Variants in RSRC1 observed in about 807,000 individuals in gnomAD.
RSRC1 encodes serine/Arginine-related protein 53.
In RSRC1, 39 loss-of-function variants were observed where a neutral mutation model predicts 49.1. That is an observed-to-expected ratio of 0.79 (90% CI 0.61 to 1.04). The LOEUF (loss-of-function observed/expected upper bound fraction) is 1.04. RSRC1 is among the 50% of genes least tolerant of loss of function. The pLI is 0.00. For synonymous variants in RSRC1, 143 were observed against 130.8 expected, an observed-to-expected ratio of 1.09 and a Z score of -0.63; for missense variants, 388 against 402.4, an observed-to-expected ratio of 0.96 and a Z score of 0.31.
At position 158,305,708 on chromosome 3, in the gene RSRC1, C is replaced by G. The variant is rs141858098; in HGVS notation, c.531+7633C>G. ...CCTTTGCCACAGTGCTATCTTTAAT[C>G]ACGCTTATTACCATTTGCCACTGAA... is the stretch of plus-strand genomic sequence containing the variant. On this transcript the variant is annotated intron_variant, in intron 5 of 9. Transcript: ENST00000611884. Among the ~76,000 whole-genome samples the G allele has an allele frequency of 1.8e-4, 27 of 152,148 alleles. No individual in the cohort carries two copies. The East Asian group carries it at 2.9e-3, about 16-fold the overall frequency.
chr3:158,418,135 A>G (rs1454061307), intron 6 of RSRC1, among the ~76,000 whole-genome samples: 3 of 152,022 alleles, frequency 2.0e-5, no homozygotes, highest in African/African-American at 7.2e-5. Flanking sequence ...CATCATGATC[A>G]TTATCATCAC....
intron 7 of RSRC1, among the ~76,000 whole-genome samples, chr3:158,470,361 CATAT>C (rs59508977): frequency 0.014 from 1,367 of 100,266 alleles, 20 homozygotes; most frequent in South Asian, 0.044. Flanking sequence ...CACACACACA[CATAT>C]ATATATATAT....
At position 158,120,539 on chromosome 3, in the gene RSRC1, T is replaced by G. The variant is rs181461468; in HGVS notation, c.-2-1564T>G. On this transcript the variant is annotated intron_variant, in intron 1 of 9. Coordinates refer to ENST00000611884, the MANE Select transcript of RSRC1 (RefSeq NM_001271838.2). ...ATGTATTAATTATTAAATATATAAA[T>G]AATATAGAATTAATATATTAATATT... 1.7e-3 allele frequency among the ~76,000 whole-genome samples: 243 copies of G among 147,204 alleles called. 3 individuals are homozygous for G. The highest frequency in any genetic ancestry group is 5.8e-3 in the African/African-American group (237 of 40,560).
chr3:158,493,174 G>GT (rs1337524567), intron 7 of RSRC1, among the ~76,000 whole-genome samples: 1 of 152,168 alleles, frequency 6.6e-6, no homozygotes, highest in African/African-American at 2.4e-5. Flanking sequence ...AACAAATGCT[G>GT]TAAGAAGCCC....
intron 7 of RSRC1, among the ~76,000 whole-genome samples, chr3:158,530,913 T>TAAAAAAAAAAAAAAAATAAAA (rs200580489): frequency 2.1e-5 from 2 of 95,626 alleles, no homozygotes; most frequent in African/African-American, 4.2e-5. Context: ...AAATAATAAA[T>TAAAAAAAAAAAAAAAATAAAA]AAAAAAAAAA....
At chr3:158,249,406 A>G (rs947499701) in intron 4 of RSRC1, among the ~76,000 whole-genome samples, 3 of 152,334 alleles carry the variant, frequency 2.0e-5, no homozygotes, top group Admixed American at 1.3e-4. Flanking sequence ...TTCACTCTGC[A>G]TAAGTGTTCT....
At chr3:158,290,459 T>G (rs1329785200) in intron 4 of RSRC1, among the ~76,000 whole-genome samples, 1 of 152,042 alleles carries the variant, frequency 6.6e-6, no homozygotes, top group African/African-American at 2.4e-5. Flanking sequence ...TTTTTTTTAG[T>G]AGAGATGGGG....
At chr3:158,173,517 G>A (rs76017257) in intron 3 of RSRC1, among the ~76,000 whole-genome samples, 2,402 of 151,848 alleles carry the variant, frequency 0.016, 84 homozygotes, top group African/African-American at 0.055. Context: ...ACATATTTAT[G>A]TATGTATATA....
At chr3:158,184,596 T>A (rs1337159075) in intron 3 of RSRC1, among the ~76,000 whole-genome samples, 1 of 152,116 alleles carries the variant, frequency 6.6e-6, no homozygotes, top group African/African-American at 2.4e-5. Context: ...GGAAGAAAAG[T>A]ATAAAACAAG....
intron 7 of RSRC1, among the ~76,000 whole-genome samples, chr3:158,468,172 A>G (rs1452264566): frequency 1.3e-5 from 2 of 152,136 alleles, no homozygotes; most frequent in African/African-American, 4.8e-5. Flanking sequence ...TGACCTCATG[A>G]TCCGCCTGCC....
intron 7 of RSRC1, among the ~76,000 whole-genome samples, chr3:158,499,085 TG>T (rs1185803689): frequency 6.6e-6 from 1 of 152,000 alleles, no homozygotes; most frequent in East Asian, 1.9e-4. Context: ...ATTTTAGAAT[TG>T]TTTTTTTCTG....
intron 5 of RSRC1, among the ~76,000 whole-genome samples, chr3:158,299,344 G>GT (rs1559982562): frequency 1.3e-5 from 2 of 151,430 alleles, no homozygotes; most frequent in Admixed American, 6.6e-5. Flanking sequence ...TTATTTATTT[G>GT]TTTTTTTGAG....
chr3:158,239,244 G>A (rs537829533), intron 4 of RSRC1, among the ~76,000 whole-genome samples: 3,929 of 152,164 alleles, frequency 0.026, 152 homozygotes, highest in African/African-American at 0.09. Flanking sequence ...GAAATAGAAT[G>A]CTTTTACACT....
chr3:158,454,863 G>A (rs1200265454), intron 6 of RSRC1, among the ~76,000 whole-genome samples: 2 of 152,084 alleles, frequency 1.3e-5, no homozygotes, highest in Non-Finnish European at 2.9e-5. Flanking sequence ...GTAGCAAAAT[G>A]TGTTGTTGGT....
At chr3:158,214,976 G>A (rs1263639388) in intron 4 of RSRC1, among the ~76,000 whole-genome samples, 1 of 151,664 alleles carries the variant, frequency 6.6e-6, no homozygotes, top group African/African-American at 2.4e-5. Flanking sequence ...ACTAGTTGTT[G>A]ATTACTAAAG....
chr3:158,439,898 C>T (rs1165771859), intron 6 of RSRC1, among the ~76,000 whole-genome samples: 2 of 152,052 alleles, frequency 1.3e-5, no homozygotes, highest in Admixed American at 1.3e-4. Flanking sequence ...CTAGCTCTGT[C>T]TAGAGTTAAG....
intron 4 of RSRC1, among the ~76,000 whole-genome samples, chr3:158,265,700 G>A (rs999073799): frequency 3.3e-5 from 5 of 151,180 alleles, no homozygotes; most frequent in African/African-American, 9.7e-5. Context: ...CTTTTTTTCC[G>A]CCACTTGTAA....
rs568577307 is a variant in RSRC1, at chr3:158,360,925, G to C, written c.583+6017G>C. 2.0e-5 allele frequency among the ~76,000 whole-genome samples: 3 copies of C among 152,306 alleles called. No individual in the cohort carries two copies. The South Asian group carries it at 6.2e-4, about 32-fold the overall frequency. On this transcript the variant is annotated intron_variant, in intron 6 of 9. Coordinates refer to ENST00000611884, the MANE Select transcript of RSRC1 (RefSeq NM_001271838.2). ...CAGCTCCATGGAGCATGCAGCCCCA[G>C]CTGCGCCCCCTCACAGCCTGGGGTG...
At chr3:158,197,142 TG>T (rs1375735934) in intron 3 of RSRC1, among the ~76,000 whole-genome samples, 5 of 152,216 alleles carry the variant, frequency 3.3e-5, no homozygotes, top group Non-Finnish European at 5.9e-5. Context: ...GGACTGTTTT[TG>T]GTTGGTAAGC....
Sources: gnomAD v4.1 joint callset for allele counts (sites outside exome capture counted in the v4.1 genomes callset) on GRCh38, gnomAD v4.1.1 for gene constraint, MANE v1.5 for transcripts, NCBI Gene and HGNC (gene_info 2026-07-23, HGNC 2026-07-21) for gene names.